The following GJA3 variants were observed in gnomAD, a reference collection of about 807,000 sequenced individuals.
GJA3 encodes the protein gap junction protein alpha 3.
For missense variants in GJA3, 571 were observed against 620.3 expected (o/e 0.92, Z 0.84); for synonymous variants, 297 against 292.6 (o/e 1.02, Z -0.15).
chr13:20,141,774 G>A lies in GJA3; in HGVS notation c.*207C>T. On this transcript the variant is annotated 3_prime_UTR_variant, in exon 2 of 2. Transcript: ENST00000241125. ...CCACCCCCAAACTCAGAAAGTGGGA[G>A]TTATCCCCACTGTAACTCACAGTGC... 1.4e-6 allele frequency: 1 copy of A among 708,292 alleles called. No homozygotes were observed. Among genetic ancestry groups the A allele is most frequent in the African/African-American group, 1.9e-5 (1 of 53,894 alleles). 43.9% of individuals were successfully genotyped at this position (708,292 alleles called of 1,614,324 possible).
In GJA3 at chr13:20,141,812, G is replaced by A. The variant is rs1395270756; in HGVS notation, c.*169C>T. On this transcript the variant is annotated 3_prime_UTR_variant, in exon 2 of 2. Transcript: ENST00000241125. ...TAACTCACAGTGCTAAGAACAGCAAGCATTGAACACGGAAACCTGATCTCT... is the reference window on the plus strand; with the variant it reads ...TAACTCACAGTGCTAAGAACAGCAAACATTGAACACGGAAACCTGATCTCT... 9.2e-6 allele frequency: 9 copies of A among 976,766 alleles called. No individual in the cohort carries two copies. In the Admixed American group the frequency reaches 2.4e-4, roughly 26 times the overall value. 60.5% of individuals were successfully genotyped at this position (976,766 alleles called of 1,614,324 possible).
chr13:20,145,157 G>C (rs1342442418), intron 1 of GJA3, among the ~76,000 whole-genome samples: 1 of 152,106 alleles, frequency 6.6e-6, no homozygotes, highest in African/African-American at 2.4e-5. Context: ...ACTCCAGCCT[G>C]GATGACAGAG....
rs572653633 is a variant in GJA3, at chr13:20,153,519, A to T, written c.-18+7371T>A. 5.9e-5 allele frequency among the ~76,000 whole-genome samples: 9 copies of T among 152,344 alleles called. No homozygotes were observed. The East Asian group carries it at 1.7e-3, about 29-fold the overall frequency. Reference sequence around the variant, plus strand: ...GAAGCTAGAAACCATCATTCTGAGCAAACCATCGCAAGGACAGAAAACCAA... The same window carrying T: ...GAAGCTAGAAACCATCATTCTGAGCTAACCATCGCAAGGACAGAAAACCAA... On this transcript the variant is annotated intron_variant, in intron 1 of 1. Coordinates refer to ENST00000241125, the MANE Select transcript of GJA3 (RefSeq NM_021954.4).
intron 1 of GJA3, among the ~76,000 whole-genome samples, chr13:20,154,369 G>A (rs1958896518): frequency 6.6e-6 from 1 of 152,072 alleles, no homozygotes. Context: ...AAAATTTTCT[G>A]CTTGATTGTT....
chr13:20,152,731 T>C (rs1268567630), intron 1 of GJA3, among the ~76,000 whole-genome samples: 2 of 152,314 alleles, frequency 1.3e-5, no homozygotes, highest in East Asian at 1.9e-4. Flanking sequence ...AGAGGTAATA[T>C]AATATGGAGT....
intron 1 of GJA3, among the ~76,000 whole-genome samples, chr13:20,155,402 T>C (rs1463014585): frequency 1.3e-5 from 2 of 152,168 alleles, no homozygotes; most frequent in Admixed American, 1.3e-4. Flanking sequence ...TAATTACAAA[T>C]TTAATTTCAT....
intron 1 of GJA3, among the ~76,000 whole-genome samples, chr13:20,155,550 C>T (rs191139233): frequency 3.9e-5 from 6 of 152,066 alleles, no homozygotes; most frequent in East Asian, 3.9e-4. Flanking sequence ...GATTTTGAAA[C>T]GCTATGGTGT....
intron 1 of GJA3, among the ~76,000 whole-genome samples, chr13:20,156,336 C>T (rs1958906829): frequency 6.6e-6 from 1 of 152,046 alleles, no homozygotes; most frequent in Non-Finnish European, 1.5e-5. Flanking sequence ...ATGACAGAAT[C>T]TCACTGCACT....
chr13:20,157,961 G>A (rs1285152924), intron 1 of GJA3, among the ~76,000 whole-genome samples: 1 of 150,716 alleles, frequency 6.6e-6, no homozygotes, highest in Non-Finnish European at 1.5e-5. Context: ...AGCCTCCTGA[G>A]TAGCTGGGAC....
rs541478614 is a variant in GJA3, at chr13:20,154,489, A to C, written c.-18+6401T>G. ...TTTTGGATTTTCTGTGTAGACATAG[A>C]AATAATCTACTCTTAAGGATAAATT... On this transcript the variant is annotated intron_variant, in intron 1 of 1. Transcript: ENST00000241125. Among the ~76,000 whole-genome samples the C allele has an allele frequency of 2.6e-5, 4 of 152,306 alleles. No individual in the cohort carries two copies. The East Asian group carries it at 7.7e-4, about 29-fold the overall frequency.
intron 1 of GJA3, among the ~76,000 whole-genome samples, chr13:20,158,009 A>G (rs1401871080): frequency 2.0e-5 from 3 of 151,892 alleles, no homozygotes; most frequent in Non-Finnish European, 4.4e-5. Context: ...AATTTTATAA[A>G]AAATATTTTG....
intron 1 of GJA3, among the ~76,000 whole-genome samples, chr13:20,144,271 G>A (rs1197279157): frequency 6.6e-6 from 1 of 152,222 alleles, no homozygotes; most frequent in Non-Finnish European, 1.5e-5. Context: ...GGAAGCACTT[G>A]GGGTGAACCG....
intron 1 of GJA3, among the ~76,000 whole-genome samples, chr13:20,151,314 A>G (rs1958876027): frequency 6.6e-6 from 1 of 152,104 alleles, no homozygotes; most frequent in Non-Finnish European, 1.5e-5. Flanking sequence ...TGTGGAAGAG[A>G]TCAGCTCCTG....
rs2141137926 is a variant in GJA3, at chr13:20,142,629, C to T, written c.660G>A (p.Leu220=). The T allele has an allele frequency of 1.2e-6, 2 of 1,612,514 alleles. No homozygotes were observed. Among genetic ancestry groups the T allele is most frequent in the African/African-American group, 2.7e-5 (2 of 74,952 alleles). ...TCTTCCAGCCCAGGTGGTAGATCTCCAGCATGTTGAGCAGCAGGGACGCGC... is the reference window on the plus strand; with the variant it reads ...TCTTCCAGCCCAGGTGGTAGATCTCTAGCATGTTGAGCAGCAGGGACGCGC... ...VACASLLLNM[L]EIYHLGWKKL... Residue 220 remains leucine, a synonymous_variant, in exon 2 of 2, where the codon CTG becomes CTA. Transcript: ENST00000241125.
chr13:20,152,935 C>A lies in GJA3; in HGVS notation c.-18+7955G>T, dbSNP rs866182081. Among the ~76,000 whole-genome samples the A allele has an allele frequency of 1.4e-4, 21 of 152,212 alleles. No individual in the cohort carries two copies. The South Asian group carries it at 1.5e-3, about 11-fold the overall frequency. Reference sequence around the variant, plus strand: ...CATTCCTGGTTTAAGCACATTTCTACGAGGGCATGGTGAGCTGTCACAAAT... The same window carrying A: ...CATTCCTGGTTTAAGCACATTTCTAAGAGGGCATGGTGAGCTGTCACAAAT... On this transcript the variant is annotated intron_variant, in intron 1 of 1. Coordinates refer to ENST00000241125, the MANE Select transcript of GJA3 (RefSeq NM_021954.4).
intron 1 of GJA3, among the ~76,000 whole-genome samples, chr13:20,153,030 A>T (rs1958887628): frequency 6.6e-6 from 1 of 152,174 alleles, no homozygotes; most frequent in Admixed American, 6.5e-5. Context: ...CACCGGCAAG[A>T]CTGTCTTCCA....
Position 20,142,192 on chromosome 13 carries a change from GCCT to G in GJA3, c.1094_1096del (p.Glu365del). On this transcript the variant is annotated inframe_deletion, in exon 2 of 2. Coordinates refer to ENST00000241125, the MANE Select transcript of GJA3 (RefSeq NM_021954.4). ...CAGCAGGGGCGCCGCGCCCGCCTCA[GCCT>G]CGTGCGCGAGTGGCGGGGAGCTGCT... is the stretch of plus-strand genomic sequence containing the variant. 1 of 1,519,276 alleles carries G rather than the reference GCCT, an allele frequency of 6.6e-7. No homozygotes were observed. The highest frequency in any genetic ancestry group is 8.8e-7 in the Non-Finnish European group (1 of 1,136,026). 94.1% of individuals were successfully genotyped at this position (1,519,276 alleles called of 1,614,324 possible).
Position 20,151,262 on chromosome 13 carries a change from C to T in GJA3, c.-17-7957G>A, listed in dbSNP as rs149031489. ...CCTCAGGCAAGAGCAGGACTCAGCC[C>T]TCCAGGAGATAAGGAAGCTTGATAG... On this transcript the variant is annotated intron_variant, in intron 1 of 1. Transcript: ENST00000241125. Among the ~76,000 whole-genome samples the T allele has an allele frequency of 4.4e-3, 676 of 152,216 alleles. 2 individuals carry two copies. The highest frequency in any genetic ancestry group is 0.015 in the African/African-American group (613 of 41,536).
chr13:20,158,215 T>C (rs1040508639), intron 1 of GJA3, among the ~76,000 whole-genome samples: 66 of 152,220 alleles, frequency 4.3e-4, no homozygotes, highest in Non-Finnish European at 7.3e-5. Flanking sequence ...CTGATAATTA[T>C]GGTATTTTAT....
Sources: gnomAD v4.1 joint callset for allele counts (sites outside exome capture counted in the v4.1 genomes callset) on GRCh38, gnomAD v4.1.1 for gene constraint, MANE v1.5 for transcripts, NCBI Gene and HGNC (gene_info 2026-07-23, HGNC 2026-07-21) for gene names.